The following TRMT13 variants were observed in gnomAD, a reference collection of about 807,000 sequenced individuals.
The protein encoded by TRMT13 is tRNA:m(4)X modification enzyme TRM13 homolog.
A neutral mutation model predicts 55.9 loss-of-function variants in TRMT13; 45 were observed. The ratio of observed to expected loss-of-function variants is 0.80; its 90% CI spans 0.63 to 1.03. TRMT13 has a LOEUF of 1.03. Ranked by LOEUF, TRMT13 falls within the 50% of genes least tolerant of loss-of-function variation. The probability of loss-of-function intolerance (pLI) is 0.00; values close to 1 mark genes in which losing one functional copy is unlikely to be tolerated. For synonymous variants in TRMT13, 183 were observed against 196.3 expected, an observed-to-expected ratio of 0.93 and a Z score of 0.57; for missense variants, 513 against 563.9, an observed-to-expected ratio of 0.91 and a Z score of 0.91.
At chr1:100,145,000 T>G (rs1459978202) in intron 9 of TRMT13, among the ~76,000 whole-genome samples, 1 of 152,240 alleles carries the variant, frequency 6.6e-6, no homozygotes, top group Non-Finnish European at 1.5e-5. Context: ...TGGTCAACAA[T>G]GGACTCATAT....
rs368930063 is a variant in TRMT13, at chr1:100,147,944, A to G, written c.868A>G (p.Arg290Gly). ...AACCTATGCTGCCAGTTTTGAGGAA[A>G]GGAATGAAGAACCTTTAGCCAAACG... ...VETYAASFEE[R>G]NEEPLAKRIK... Residue 290 changes from arginine to glycine, a missense_variant, in exon 10 of 11, where the codon AGG becomes GGG. Arg to Gly is a moderately radical substitution (Grantham distance 125). Coordinates refer to ENST00000370141, the MANE Select transcript of TRMT13 (RefSeq NM_019083.3). The G allele has an allele frequency of 5.2e-5, 84 of 1,612,118 alleles. 1 individual carries two copies. Among genetic ancestry groups the G allele is most frequent in the Non-Finnish European group, 6.5e-5 (77 of 1,179,410 alleles).
At position 100,150,420 on chromosome 1, in the gene TRMT13, T is replaced by C. The variant is rs1421192793; in HGVS notation, c.*1600T>C. 1 of 152,184 alleles carries C rather than the reference T, an allele frequency of 6.6e-6. No homozygotes were observed. The highest frequency in any genetic ancestry group is 1.9e-4 in the East Asian group (1 of 5,200). 9.4% of individuals were successfully genotyped at this position (152,184 alleles called of 1,614,324 possible). ...AACCTTTTTTTATTGTGTCAAGCAA[T>C]ACTAATTTGTGTCATAAAATTTGTT... On this transcript the variant is annotated 3_prime_UTR_variant, in exon 11 of 11. Coordinates refer to ENST00000370141, the MANE Select transcript of TRMT13 (RefSeq NM_019083.3).
chr1:100,149,590 TTATA>T lies in TRMT13; in HGVS notation c.*774_*777del. 1.6e-6 allele frequency: 1 copy of T among 612,264 alleles called. No individual in the cohort carries two copies. Among genetic ancestry groups the T allele is most frequent in the South Asian group, 2.4e-5 (1 of 42,182 alleles). The allele number at this position is 612,264 out of a possible 1,614,324, so 37.9% of individuals were successfully genotyped here. On this transcript the variant is annotated 3_prime_UTR_variant, in exon 11 of 11. Transcript: ENST00000370141. ...CTCATATCTTTTATCAGGTCATTTT[TTATA>T]TATGTAGGCACAAACAATAAGTATG...
Position 100,133,482 on chromosome 1 carries a change from A to C in TRMT13, c.147+167A>C, listed in dbSNP as rs555033272. Reference sequence around the variant, plus strand: ...TTGCCCTCCTTGCGGAGCGATTATGAGTTCTAGTGATGAGAAATTTTTTAT... The same window carrying C: ...TTGCCCTCCTTGCGGAGCGATTATGCGTTCTAGTGATGAGAAATTTTTTAT... On this transcript the variant is annotated intron_variant, in intron 1 of 10. Coordinates refer to ENST00000370141, the MANE Select transcript of TRMT13 (RefSeq NM_019083.3). 3.9e-5 allele frequency among the ~76,000 whole-genome samples: 6 copies of C among 152,216 alleles called. 1 individual carries two copies. In the South Asian group the frequency reaches 1.2e-3, roughly 32 times the overall value.
At position 100,149,950 on chromosome 1, in the gene TRMT13, A is replaced by G. The variant is rs1023295510; in HGVS notation, c.*1130A>G. On this transcript the variant is annotated 3_prime_UTR_variant, in exon 11 of 11. Transcript: ENST00000370141. ...GATTTGTAAATAAGAAGCCTAACCA[A>G]TTTAAAATTCCTGACTTTAGTCTCA... The G allele has an allele frequency of 6.6e-6, 1 of 152,500 alleles. No individual in the cohort carries two copies. Among genetic ancestry groups the G allele is most frequent in the Non-Finnish European group, 1.5e-5 (1 of 68,298 alleles). 9.4% of individuals were successfully genotyped at this position (152,500 alleles called of 1,614,324 possible). A position where few individuals can be genotyped will look rare whatever the true frequency, so the allele number is the denominator to read the frequency against.
At chr1:100,140,384 C>T (rs1656448786) in intron 5 of TRMT13, 24 bp from the exon 6 acceptor site, 1 of 1,595,914 alleles carries the variant, frequency 6.3e-7, no homozygotes, top group Non-Finnish European at 8.6e-7. Context: ...GCTGCTTAAG[C>T]TGTTGTGCTT....
chr1:100,139,106 C>T (rs1478325332), intron 3 of TRMT13, among the ~76,000 whole-genome samples: 1 of 152,096 alleles, frequency 6.6e-6, no homozygotes, highest in African/African-American at 2.4e-5. Flanking sequence ...GGCTTCATTA[C>T]GTTAATTTAA....
At chr1:100,147,863 G>T (rs1417216604) in intron 9 of TRMT13, 31 bp from the exon 10 acceptor site, 1 of 1,549,810 alleles carries the variant, frequency 6.5e-7, no homozygotes, top group African/African-American at 1.4e-5. Flanking sequence ...AGATGATGTG[G>T]TTTGGGGGGG....
rs1320900969 is a variant in TRMT13 at position 100,133,233 on chromosome 1, A to T, written c.65A>T (p.Tyr22Phe). Reference protein sequence around the residue: ...GFPAEGRCGYYVEKKKRFCRM... With the variant: ...GFPAEGRCGYFVEKKKRFCRM... ...CCAGCTGAGGGTAGATGCGGTTACT[A>T]TGTGGAAAAGAAGAAACGGTTCTGC... The change falls in exon 1 of 11, where the codon TAT becomes TTT. Residue 22 changes from tyrosine to phenylalanine, a missense_variant. This residue lies in a region of TRMT13 where 298 missense variants were observed against 290.3 expected (regional missense o/e 1.03). Coordinates refer to ENST00000370141, the MANE Select transcript of TRMT13 (RefSeq NM_019083.3). The T allele has an allele frequency of 6.2e-7, 1 of 1,613,960 alleles. No homozygotes were observed.
intron 3 of TRMT13, among the ~76,000 whole-genome samples, chr1:100,139,244 T>C (rs1398950951): frequency 1.3e-5 from 2 of 152,256 alleles, no homozygotes; most frequent in African/African-American, 4.8e-5. Flanking sequence ...ATAAGCAGCA[T>C]TGTGTAGTTA....
intron 9 of TRMT13, chr1:100,144,404 C>A (rs2101738306): frequency 3.7e-6 from 1 of 270,134 alleles, no homozygotes; most frequent in African/African-American, 2.2e-5. Flanking sequence ...GGTTAAATTT[C>A]AACCAGAAAA....
Position 100,143,138 on chromosome 1 carries a change from T to C in TRMT13, c.671T>C (p.Val224Ala). The change falls in exon 8 of 11, where the codon GTG (valine) becomes GCG (alanine). Residue 224 changes from valine (V) to alanine (A), a missense_variant and splice_region_variant. Transcript: ENST00000370141. ...TACAATAATGTTCTGTTTGTGCAGG[T>C]GGATGGAAAACACAGAAAGAAAAAT... ...LVEKVTTRFKVDGKHRKKNSV... is the reference protein window; with the variant it reads ...LVEKVTTRFKADGKHRKKNSV... 6.2e-7 allele frequency: 1 copy of C among 1,603,582 alleles called. No homozygotes were observed. The highest frequency in any genetic ancestry group is 8.5e-7 in the Non-Finnish European group (1 of 1,172,108).
chr1:100,143,684 G>C (rs1221830632), intron 8 of TRMT13, among the ~76,000 whole-genome samples: 5 of 151,972 alleles, frequency 3.3e-5, no homozygotes, highest in Non-Finnish European at 5.9e-5. Flanking sequence ...AACACACACA[G>C]ACACATACAC....
intron 7 of TRMT13, 50 bp from the exon 8 acceptor site, chr1:100,143,087 C>T: frequency 8.1e-7 from 1 of 1,238,388 alleles, no homozygotes; most frequent in Non-Finnish European, 1.1e-6. Flanking sequence ...TTTCATAAAG[C>T]TTTTTTAAAT....
At chr1:100,146,511 T>C (rs1657268932) in intron 9 of TRMT13, among the ~76,000 whole-genome samples, 2 of 152,174 alleles carry the variant, frequency 1.3e-5, no homozygotes, top group South Asian at 4.1e-4. Context: ...TTAATTCTTT[T>C]TTTTTTTTCT....
At chr1:100,135,046 A>G (rs1655626058) in intron 1 of TRMT13, among the ~76,000 whole-genome samples, 1 of 152,166 alleles carries the variant, frequency 6.6e-6, no homozygotes, top group South Asian at 2.1e-4. Flanking sequence ...ACACTTGGCA[A>G]AATGAAGACA....
Position 100,148,063 on chromosome 1 carries a change from CA to C in TRMT13, c.988del (p.Ile330LeufsTer25). 6.2e-7 allele frequency: 1 copy of C among 1,614,184 alleles called. No individual in the cohort carries two copies. The highest frequency in any genetic ancestry group is 8.5e-7 in the Non-Finnish European group (1 of 1,180,036). On this transcript the variant is annotated frameshift_variant, in exon 10 of 11. Coordinates refer to ENST00000370141, the MANE Select transcript of TRMT13 (RefSeq NM_019083.3). LOFTEE classifies it high-confidence loss of function. Reference protein sequence around the residue: ...VPEKWNPVAGIVIALCCHHRC... With the variant: ...VPEKWNPVAGXVIALCCHHRC... ...CAGAGAAGTGGAACCCTGTGGCTGG[CA>C]TTGTTATTGCACTCTGTTGTCACCA...
chr1:100,137,948 T>C (rs1286475235), intron 3 of TRMT13, among the ~76,000 whole-genome samples: 1 of 152,200 alleles, frequency 6.6e-6, no homozygotes, highest in East Asian at 1.9e-4. Context: ...TTGGCTTTGT[T>C]TGCAAATATC....
At chr1:100,136,250 T>C (rs1319690352) in intron 1 of TRMT13, among the ~76,000 whole-genome samples, 1 of 152,262 alleles carries the variant, frequency 6.6e-6, no homozygotes, top group Non-Finnish European at 1.5e-5. Flanking sequence ...CCATTGTTTC[T>C]AAGAAACTTT....
Sources: gnomAD v4.1 joint callset for allele counts (sites outside exome capture counted in the v4.1 genomes callset) on GRCh38, gnomAD v4.1.1 for gene constraint, gnomAD v4.1.1 regional missense constraint, MANE v1.5 for transcripts, NCBI Gene and HGNC (gene_info 2026-07-23, HGNC 2026-07-21) for gene names.